MARCHF1: variants seen among roughly 807,000 people sequenced by gnomAD.
The protein encoded by MARCHF1 is membrane associated ring-CH-type finger 1.
Under a neutral mutation model 54.2 loss-of-function variants are expected in MARCHF1, and 40 were observed. That is an observed-to-expected ratio of 0.74 (90% CI 0.57 to 0.96). MARCHF1 has a LOEUF of 0.96. Ranked by LOEUF, MARCHF1 falls within the 40% of genes least tolerant of loss-of-function variation. MARCHF1 has a pLI of 0.00. For synonymous variants in MARCHF1, 236 were observed against 236.3 expected, an observed-to-expected ratio of 1.00 and a Z score of 0.01; for missense variants, 586 against 656.5, an observed-to-expected ratio of 0.89 and a Z score of 1.17.
At chr4:164,064,900 G>A (rs940059699) in intron 2 of MARCHF1, among the ~76,000 whole-genome samples, 1 of 152,096 alleles carries the variant, frequency 6.6e-6, no homozygotes, top group Non-Finnish European at 1.5e-5. Context: ...CATCCTTATT[G>A]AGGTAATCAT....
At chr4:163,547,594 T>C (rs981741287) in intron 8 of MARCHF1, among the ~76,000 whole-genome samples, 4 of 152,232 alleles carry the variant, frequency 2.6e-5, no homozygotes, top group African/African-American at 9.6e-5. Flanking sequence ...GGCCATCCTG[T>C]TGTCTTCCTG....
intron 9 of MARCHF1, among the ~76,000 whole-genome samples, chr4:163,544,032 A>G (rs539988472): frequency 3.3e-5 from 5 of 152,270 alleles, no homozygotes; most frequent in Admixed American, 3.3e-4. Flanking sequence ...ATTGCTAGGA[A>G]AACACTAGAG....
At position 164,022,668 on chromosome 4, in the gene MARCHF1, G is replaced by A. The variant is rs186495373; in HGVS notation, c.-247-33959C>T. Among the ~76,000 whole-genome samples, 4 of 152,354 alleles carry A rather than the reference G, an allele frequency of 2.6e-5. No individual in the cohort carries two copies. The East Asian group carries it at 5.8e-4, about 22-fold the overall frequency. The stretch of plus-strand genomic sequence containing the variant: ...CAGTGAGAAGCCCAGAAGCTTTTGT[G>A]CATGGAGCAGCTGCGGCGGAGTGCG... On this transcript the variant is annotated intron_variant, in intron 2 of 9. Transcript: ENST00000514618.
chr4:164,158,368 G>T (rs1367696496), intron 1 of MARCHF1, among the ~76,000 whole-genome samples: 1 of 152,118 alleles, frequency 6.6e-6, no homozygotes, highest in Non-Finnish European at 1.5e-5. Flanking sequence ...AAGGTCAGGT[G>T]TGGTGGCTCA....
rs1980043 is a variant in MARCHF1 at position 163,641,558 on chromosome 4, G to T, written c.163-28165C>A. On this transcript the variant is annotated intron_variant, in intron 5 of 9. Transcript: ENST00000514618. ...TATTAATTCCTGTGTTCATACAGGGGTTAATACATATATTTAAGTTCACTT... is the reference window on the plus strand; with the variant it reads ...TATTAATTCCTGTGTTCATACAGGGTTTAATACATATATTTAAGTTCACTT... Among the ~76,000 whole-genome samples, 615 of 152,250 alleles carry T rather than the reference G, an allele frequency of 4.0e-3. 2 individuals are homozygous for T. Among genetic ancestry groups the T allele is most frequent in the Non-Finnish European group, 6.8e-3 (462 of 68,004 alleles).
intron 5 of MARCHF1, among the ~76,000 whole-genome samples, chr4:163,666,716 T>C (rs1743546597): frequency 6.6e-6 from 1 of 152,112 alleles, no homozygotes; most frequent in Non-Finnish European, 1.5e-5. Context: ...GATTTTTTTT[T>C]TTTTGGCCTA....
chr4:163,594,517 C>T (rs1369858994), intron 7 of MARCHF1, among the ~76,000 whole-genome samples: 1 of 151,748 alleles, frequency 6.6e-6, no homozygotes, highest in Non-Finnish European at 1.5e-5. Context: ...CAAACACACA[C>T]ACAAACTAAC....
intron 2 of MARCHF1, among the ~76,000 whole-genome samples, chr4:164,060,346 A>G (rs1262595887): frequency 6.6e-6 from 1 of 152,116 alleles, no homozygotes; most frequent in African/African-American, 2.4e-5. Context: ...CATGTAAAAG[A>G]CATATTGTAG....
intron 4 of MARCHF1, among the ~76,000 whole-genome samples, chr4:163,791,637 A>C (rs1220636430): frequency 4.6e-5 from 7 of 152,152 alleles, no homozygotes; most frequent in African/African-American, 1.7e-4. Flanking sequence ...TTACAAAAAC[A>C]AATGTATTCA....
chr4:164,205,051 TA>T (rs1731566690), intron 1 of MARCHF1, among the ~76,000 whole-genome samples: 1 of 152,214 alleles, frequency 6.6e-6, no homozygotes, highest in Non-Finnish European at 1.5e-5. Context: ...AATTCTTATA[TA>T]GTGTTTTACT....
chr4:163,591,066 T>A (rs1180282025), intron 7 of MARCHF1, among the ~76,000 whole-genome samples: 3 of 151,020 alleles, frequency 2.0e-5, no homozygotes, highest in Admixed American at 6.6e-5. Flanking sequence ...TTATTTCATA[T>A]GATTATTAAT....
intron 1 of MARCHF1, among the ~76,000 whole-genome samples, chr4:164,315,829 A>G (rs1579714537): frequency 6.6e-6 from 1 of 152,228 alleles, no homozygotes; most frequent in South Asian, 2.1e-4. Flanking sequence ...GCTTTTAAAT[A>G]TAAGATATCA....
intron 8 of MARCHF1, 113 bp downstream of exon 8, chr4:163,585,636 C>A (rs1390244562): frequency 1.7e-5 from 14 of 813,734 alleles, no homozygotes; most frequent in East Asian, 2.6e-5. Context: ...AGACACATAC[C>A]CTTAATGGAT....
At chr4:164,170,817 T>C (rs1417926361) in intron 1 of MARCHF1, among the ~76,000 whole-genome samples, 1 of 152,094 alleles carries the variant, frequency 6.6e-6, no homozygotes, top group Non-Finnish European at 1.5e-5. Context: ...ACGAAATCAC[T>C]GTGGAGGTGA....
At chr4:163,960,346 A>C (rs1752321569) in intron 3 of MARCHF1, among the ~76,000 whole-genome samples, 1 of 152,080 alleles carries the variant, frequency 6.6e-6, no homozygotes, top group Non-Finnish European at 1.5e-5. Flanking sequence ...TCATAAAGAC[A>C]CATGAAGACA....
intron 3 of MARCHF1, among the ~76,000 whole-genome samples, chr4:163,860,889 G>A (rs1338555231): frequency 6.6e-6 from 1 of 152,140 alleles, no homozygotes; most frequent in African/African-American, 2.4e-5. Flanking sequence ...TCTACTGCCT[G>A]ATGTATCATG....
chr4:164,121,586 G>C (rs1174117417), intron 1 of MARCHF1, among the ~76,000 whole-genome samples: 1 of 152,000 alleles, frequency 6.6e-6, no homozygotes, highest in East Asian at 1.9e-4. Flanking sequence ...CCTCCCACCA[G>C]CTCCCTCCCA....
intron 5 of MARCHF1, among the ~76,000 whole-genome samples, chr4:163,645,323 C>T (rs1286045048): frequency 6.6e-6 from 1 of 152,148 alleles, no homozygotes; most frequent in African/African-American, 2.4e-5. Flanking sequence ...CCCCATACAA[C>T]CGCAGTCCTA....
chr4:163,765,346 C>A (rs1312357226), intron 4 of MARCHF1, among the ~76,000 whole-genome samples: 1 of 151,986 alleles, frequency 6.6e-6, no homozygotes, highest in Admixed American at 6.6e-5. Flanking sequence ...CAAAAGAAAA[C>A]ACTCATCACT....
Sources: gnomAD v4.1 joint callset for allele counts (sites outside exome capture counted in the v4.1 genomes callset) on GRCh38, gnomAD v4.1.1 for gene constraint, MANE v1.5 for transcripts, NCBI Gene and HGNC (gene_info 2026-07-23, HGNC 2026-07-21) for gene names.